Variants in NPIPB11 observed in about 807,000 individuals in gnomAD.
NPIPB11 encodes nuclear pore complex-interacting protein family member B11.
A neutral mutation model predicts 32.8 loss-of-function variants in NPIPB11; 17 were observed. The ratio of observed to expected loss-of-function variants is 0.52; its 90% confidence interval spans 0.35 to 0.78. The LOEUF is 0.78. NPIPB11 is among the 30% of genes least tolerant of loss of function. NPIPB11 has a pLI of 0.01. For synonymous variants in NPIPB11, 209 were observed against 398.4 expected (o/e 0.52, Z 5.66); for missense variants, 537 against 1,000.4 (o/e 0.54, Z 6.25).
At chr16:29,397,090 G>C (rs1340056672) in intron 2 of NPIPB11, among the ~76,000 whole-genome samples, 1 of 149,730 alleles carries the variant, frequency 6.7e-6, no homozygotes, top group African/African-American at 2.4e-5. Flanking sequence ...ACAATTGCTT[G>C]AACCCCGGAA....
intron 2 of NPIPB11, chr16:29,397,498 G>A: frequency 4.8e-6 from 7 of 1,449,256 alleles, no homozygotes; most frequent in Non-Finnish European, 6.5e-6. Flanking sequence ...GGCCTGAGCT[G>A]TGTAATTTCA....
Position 29,391,112 on chromosome 16 carries a change from C to T in NPIPB11, c.250-764G>A, listed in dbSNP as rs569622167. Among the ~76,000 whole-genome samples, 31 of 145,866 alleles carry T rather than the reference C, an allele frequency of 2.1e-4. No homozygotes were observed. The East Asian group carries it at 5.9e-3, about 28-fold the overall frequency. ...TGAAACCCCGTCTCTACTAAAAATA[C>T]AAAAATTAGCTGAGCATGGTGATGC... On this transcript the variant is annotated intron_variant, in intron 3 of 7. Coordinates refer to ENST00000524087, the Ensembl canonical transcript of NPIPB11.
At chr16:29,397,525 C>A in intron 2 of NPIPB11, 7 of 1,503,156 alleles carry the variant, frequency 4.7e-6, no homozygotes, top group Admixed American at 2.0e-5. Context: ...GTGACACAGC[C>A]CAGTAAAAAG....
intron 2 of NPIPB11, among the ~76,000 whole-genome samples, chr16:29,399,959 C>A (rs1335731700): frequency 6.6e-6 from 1 of 151,682 alleles, no homozygotes; most frequent in Non-Finnish European, 1.5e-5. Context: ...CGCCTGTAAT[C>A]CCAGCTACTC....
At chr16:29,402,768 C>A (rs1015744855) in intron 2 of NPIPB11, among the ~76,000 whole-genome samples, 1 of 90,662 alleles carries the variant, frequency 1.1e-5, no homozygotes. Context: ...GTGTGTGTAT[C>A]TCTATATAAA....
chr16:29,402,746 G>GTGTATGTA (rs1964026553), intron 2 of NPIPB11, among the ~76,000 whole-genome samples: 1 of 150,422 alleles, frequency 6.6e-6, no homozygotes, highest in African/African-American at 2.5e-5. Flanking sequence ...GTGTGTGTGT[G>GTGTATGTA]TGTGTGTGTG....
chr16:29,384,358 C>T, intron 7 of NPIPB11, 69 bp from the exon 8 acceptor site: 2 of 548,750 alleles, frequency 3.6e-6, no homozygotes, highest in Non-Finnish European at 5.4e-6. Context: ...GCCACCAACA[C>T]AGTCTGCACC....
intron 2 of NPIPB11, among the ~76,000 whole-genome samples, chr16:29,401,322 T>TATC (rs1446424657): frequency 1.3e-5 from 2 of 152,140 alleles, no homozygotes; most frequent in African/African-American, 4.8e-5. Flanking sequence ...TCCTCAAAAC[T>TATC]ATCATCTGGG....
chr16:29,404,798 A>G (rs1470693717), upstream of NPIPB11, among the ~76,000 whole-genome samples: 1 of 143,756 alleles, frequency 7.0e-6, no homozygotes, highest in African/African-American at 2.6e-5. Context: ...CAGCCCTGTG[A>G]GGTAGCTGGA....
At chr16:29,394,726 C>T (rs1036655175) in intron 2 of NPIPB11, among the ~76,000 whole-genome samples, 2 of 151,734 alleles carry the variant, frequency 1.3e-5, no homozygotes, top group Admixed American at 1.3e-4. Context: ...GCCACCGTGC[C>T]CAGCCATTTT....
At chr16:29,383,987 T>A in exon 8 of NPIPB11, 1 of 1,382,592 alleles carries the variant, frequency 7.2e-7, no homozygotes, top group Non-Finnish European at 9.7e-7. Context: ...AGGGTGGAGC[T>A]GAGGGTGGAA....
chr16:29,403,279 T>C (rs1472933543), intron 2 of NPIPB11, among the ~76,000 whole-genome samples: 2 of 146,228 alleles, frequency 1.4e-5, no homozygotes, highest in Non-Finnish European at 3.0e-5. Context: ...GGTTTTGCCA[T>C]ATTGGTCAGG....
rs966531134 is a variant in NPIPB11, at chr16:29,393,750, TAAAC to T, written c.249+194_249+197del. On this transcript the variant is annotated intron_variant, in intron 3 of 7. Coordinates refer to ENST00000524087, the Ensembl canonical transcript of NPIPB11. ...ACCAAAAGCTCTGTTGACATTCTAT[TAAAC>T]AAACAGTGACCTATTTAATTTTCAT... Among the ~76,000 whole-genome samples the T allele has an allele frequency of 1.4e-4, 22 of 152,324 alleles. No homozygotes were observed. The South Asian group carries it at 1.5e-3, about 10-fold the overall frequency.
intron 2 of NPIPB11, among the ~76,000 whole-genome samples, chr16:29,400,242 C>T (rs1171617204): frequency 4.7e-5 from 7 of 148,718 alleles, no homozygotes; most frequent in East Asian, 2.0e-4. Context: ...CAAGCAGAGA[C>T]AGGGAAAGGA....
chr16:29,397,632 C>A (rs1963891086), intron 2 of NPIPB11: 1 of 1,457,552 alleles, frequency 6.9e-7, no homozygotes, highest in South Asian at 1.2e-5. Flanking sequence ...GAGCATCCAC[C>A]GCCCCCGCAT....
chr16:29,399,286 C>T (rs1476295517), intron 2 of NPIPB11, among the ~76,000 whole-genome samples: 2 of 151,518 alleles, frequency 1.3e-5, no homozygotes, highest in East Asian at 3.9e-4. Flanking sequence ...GCTTTAAATC[C>T]CTTTACCATT....
intron 3 of NPIPB11, among the ~76,000 whole-genome samples, chr16:29,393,290 C>A (rs1262127490): frequency 6.6e-6 from 1 of 151,610 alleles, no homozygotes; most frequent in Non-Finnish European, 1.5e-5. Context: ...TGCCCTTCAC[C>A]TTCCGGCAGT....
intron 2 of NPIPB11, among the ~76,000 whole-genome samples, chr16:29,400,117 G>T (rs1314795020): frequency 2.0e-5 from 3 of 151,550 alleles, no homozygotes; most frequent in African/African-American, 7.3e-5. Flanking sequence ...GGTTGTGTTG[G>T]TTGTAAAAGG....
rs1488191385 is a variant in NPIPB11, at chr16:29,397,617, C to G, written c.121-3541G>C. On this transcript the variant is annotated intron_variant, in intron 2 of 7. Transcript: ENST00000524087. Reference sequence around the variant, plus strand: ...TTCCAGCAGGAGCCCAAAGAGGAGCCAAAAGAGCATCCACCGCCCCCGCAT... The same window carrying G: ...TTCCAGCAGGAGCCCAAAGAGGAGCGAAAAGAGCATCCACCGCCCCCGCAT... The G allele has an allele frequency of 2.1e-6, 3 of 1,445,494 alleles. No homozygotes were observed. In the Admixed American group the frequency reaches 6.1e-5, roughly 29 times the overall value. The allele number at this position is 1,445,494 out of a possible 1,614,324, so 89.5% of individuals were successfully genotyped here.
Sources: allele counts gnomAD v4.1 joint callset (sites outside exome capture counted in the v4.1 genomes callset), GRCh38; gene constraint gnomAD v4.1.1; transcripts MANE v1.5; gene names NCBI Gene and HGNC (gene_info 2026-07-23, HGNC 2026-07-21).